The following PCSK1 variants were observed in gnomAD, a reference collection of about 807,000 sequenced individuals.
PCSK1 encodes the protein neuroendocrine convertase 1.
PCSK1 carries 56 observed loss-of-function variants against 90.6 expected under a neutral mutation model. The ratio of observed to expected loss-of-function variants is 0.62; its 90% CI spans 0.50 to 0.77. PCSK1 has a LOEUF of 0.77. PCSK1 is among the 30% of genes least tolerant of loss of function. PCSK1 has a pLI of 0.00. For synonymous variants in PCSK1, 348 were observed against 342.4 expected, an observed-to-expected ratio of 1.02 and a Z score of -0.18; for missense variants, 801 against 932.6, an observed-to-expected ratio of 0.86 and a Z score of 1.84.
intron 10 of PCSK1, 137 bp downstream of exon 10, chr5:96,399,815 AC>A: frequency 2.9e-6 from 2 of 699,602 alleles, no homozygotes; most frequent in South Asian, 3.3e-5. Context: ...CCCCATGGAT[AC>A]CCACAGAGAA....
Position 96,399,948 on chromosome 5 carries a change from C to G in PCSK1, c.1430+5G>C, listed in dbSNP as rs376283122. On this transcript the variant is annotated splice_donor_5th_base_variant and intron_variant, in intron 10 of 13. Coordinates refer to ENST00000311106, the MANE Select transcript of PCSK1 (RefSeq NM_000439.5). ...CATGTGTTTAAAATTCCAGGAGATA[C>G]TTACCTGGGCTCAAAGTCATTGTCC... is the stretch of plus-strand genomic sequence containing the variant. 1.4e-5 allele frequency: 22 copies of G among 1,602,256 alleles called. No individual in the cohort carries two copies. The African/African-American group carries it at 2.8e-4, about 20-fold the overall frequency.
chr5:96,414,308 G>C (rs925557487), intron 6 of PCSK1, among the ~76,000 whole-genome samples: 5 of 152,122 alleles, frequency 3.3e-5, no homozygotes, highest in African/African-American at 9.7e-5. Context: ...GGCTTTACAT[G>C]TATAAACTCA....
At chr5:96,411,372 A>G (rs2112420590) in intron 7 of PCSK1, among the ~76,000 whole-genome samples, 1 of 152,364 alleles carries the variant, frequency 6.6e-6, no homozygotes, top group South Asian at 2.1e-4. Context: ...TGATAGAATG[A>G]CAAAATTAGG....
chr5:96,391,769 C>T lies in PCSK1; in HGVS notation c.*1232G>A, dbSNP rs373852338. 6.6e-6 allele frequency: 1 copy of T among 152,132 alleles called. No homozygotes were observed. Among genetic ancestry groups the T allele is most frequent in the Non-Finnish European group, 1.5e-5 (1 of 68,038 alleles). 9.4% of individuals were successfully genotyped at this position (152,132 alleles called of 1,614,324 possible). On this transcript the variant is annotated 3_prime_UTR_variant, in exon 14 of 14. Transcript: ENST00000311106. ...CTGTTGCCATGAGCAAAGATGGGTC[C>T]GAGAATGAGGTTTTATGTGAAACAT...
Position 96,408,383 on chromosome 5 carries a change from C to G in PCSK1, c.1096-60G>C, listed in dbSNP as rs1422949734. 5.7e-6 allele frequency: 7 copies of G among 1,218,048 alleles called. No individual in the cohort carries two copies. In the Admixed American group the frequency reaches 1.2e-4, roughly 22 times the overall value. The allele number at this position is 1,218,048 out of a possible 1,614,324, so 75.5% of individuals were successfully genotyped here. A position where few individuals can be genotyped will look rare whatever the true frequency, so the allele number is the denominator to read the frequency against. On this transcript the variant is annotated intron_variant, in intron 8 of 13. Transcript: ENST00000311106. ...GAACACGTGAGGAGTGTGGGCCTGT[C>G]TTGGGGGTTAACTGTACCAAAGGCT...
chr5:96,406,581 C>T (rs1191934967), intron 9 of PCSK1, among the ~76,000 whole-genome samples: 1 of 152,170 alleles, frequency 6.6e-6, no homozygotes, highest in East Asian at 1.9e-4. Flanking sequence ...AGGAATATAC[C>T]CCATCTCCAT....
intron 1 of PCSK1, 111 bp from the exon 2 acceptor site, chr5:96,429,428 T>C: frequency 3.0e-6 from 2 of 658,954 alleles, no homozygotes; most frequent in Non-Finnish European, 5.4e-6. Context: ...AGCCCATTCC[T>C]GGTATCTGAA....
chr5:96,425,760 A>G, intron 3 of PCSK1, 60 bp downstream of exon 3: 1 of 910,226 alleles, frequency 1.1e-6, no homozygotes, highest in Non-Finnish European at 1.8e-6. Context: ...TTGCAAATGT[A>G]ACAACATAAA....
rs976899104 is a variant in PCSK1 at position 96,432,078 on chromosome 5, C to A, written c.180+785G>T. The A allele has an allele frequency of 6.5e-6, 10 of 1,528,596 alleles. No individual in the cohort carries two copies. The African/African-American group carries it at 1.4e-4, about 21-fold the overall frequency. The allele number at this position is 1,528,596 out of a possible 1,614,324, so 94.7% of individuals were successfully genotyped here. Reference sequence around the variant, plus strand: ...GCTGAAATTCCCGGGAAAACGATTACGTACTTGGCTGAAGAACAAGAAAGA... The same window carrying A: ...GCTGAAATTCCCGGGAAAACGATTAAGTACTTGGCTGAAGAACAAGAAAGA... On this transcript the variant is annotated intron_variant, in intron 1 of 13. Coordinates refer to ENST00000311106, the MANE Select transcript of PCSK1 (RefSeq NM_000439.5).
chr5:96,425,008 A>AAAAGAAAGAAAAG (rs1761243697), intron 3 of PCSK1, among the ~76,000 whole-genome samples: 9 of 117,478 alleles, frequency 7.7e-5, no homozygotes, highest in Non-Finnish European at 5.2e-5. Flanking sequence ...AGAAAGAAAG[A>AAAAGAAAGAAAAG]AAAGAAAGAA....
Position 96,410,773 on chromosome 5 carries a change from C to G in PCSK1, c.1095+1G>C, listed in dbSNP as rs1301652826. The stretch of plus-strand genomic sequence containing the variant: ...GAGAGAATTAGACAAAAGCAACATA[C>G]GATTCTCTGGTCGGTGTAATCTCCG... On this transcript the variant is annotated splice_donor_variant, in intron 8 of 13. Transcript: ENST00000311106. LOFTEE classifies it high-confidence loss of function. The G allele has an allele frequency of 6.2e-7, 1 of 1,611,070 alleles. No individual in the cohort carries two copies. The highest frequency in any genetic ancestry group is 1.1e-5 in the South Asian group (1 of 91,030).
intron 9 of PCSK1, among the ~76,000 whole-genome samples, chr5:96,405,084 A>G (rs745566399): frequency 2.0e-5 from 3 of 152,212 alleles, no homozygotes; most frequent in East Asian, 1.9e-4. Flanking sequence ...CAGCTTTGGT[A>G]TAGACAATTG....
intron 11 of PCSK1, among the ~76,000 whole-genome samples, chr5:96,398,221 T>C (rs945673863): frequency 6.6e-6 from 1 of 152,182 alleles, no homozygotes; most frequent in Non-Finnish European, 1.5e-5. Context: ...AGGAAGATCA[T>C]AGAGATAGCT....
chr5:96,398,733 G>GA (rs1760251185), intron 11 of PCSK1, 146 bp downstream of exon 11: 1 of 734,386 alleles, frequency 1.4e-6, no homozygotes. Flanking sequence ...CTAACACCAA[G>GA]AAAAAGGAAA....
chr5:96,392,621 C>T lies in PCSK1; in HGVS notation c.*380G>A. On this transcript the variant is annotated 3_prime_UTR_variant, in exon 14 of 14. Transcript: ENST00000311106. Reference sequence around the variant, plus strand: ...ACAGAAACAGTTTCTGACTCCTTCTCATTCTTTGCAGATTATGTTTTCAAA... The same window carrying T: ...ACAGAAACAGTTTCTGACTCCTTCTTATTCTTTGCAGATTATGTTTTCAAA... 4.6e-6 allele frequency: 1 copy of T among 218,998 alleles called. No individual in the cohort carries two copies. Among genetic ancestry groups the T allele is most frequent in the Non-Finnish European group, 9.1e-6 (1 of 109,998 alleles). The allele number at this position is 218,998 out of a possible 1,614,324, so 13.6% of individuals were successfully genotyped here.
rs140076467 is a variant in PCSK1 at position 96,416,919 on chromosome 5, C to T, written c.621-798G>A. Among the ~76,000 whole-genome samples the T allele has an allele frequency of 7.2e-3, 1,095 of 152,302 alleles. 25 individuals carry two copies. The highest frequency in any genetic ancestry group is 0.025 in the African/African-American group (1,048 of 41,554). ...ATTCTGAGGATGATAATTGTCTTTTCCCACCACCATCCTGACTCAGGAGGG... is the reference window on the plus strand; with the variant it reads ...ATTCTGAGGATGATAATTGTCTTTTTCCACCACCATCCTGACTCAGGAGGG... On this transcript the variant is annotated intron_variant, in intron 5 of 13. Coordinates refer to ENST00000311106, the MANE Select transcript of PCSK1 (RefSeq NM_000439.5).
rs759857993 is a variant in PCSK1 at position 96,423,443 on chromosome 5, G to A, written c.413C>T (p.Thr138Met). ...AAGGTCCAGCTTGGGCAGGGCTGCC[G>A]TCATCCTGGTATCTTGCTGGTAAAG... The part of the protein sequence containing the change: ...QQWYLQDTRM[T>M]AALPKLDLHV... Residue 138 changes from threonine to methionine, a missense_variant, in exon 4 of 14, where the codon ACG becomes ATG. Physicochemically the swap from Thr to Met is moderately conservative, Grantham distance 81. Transcript: ENST00000311106. The A allele has an allele frequency of 1.4e-5, 22 of 1,613,820 alleles. No individual in the cohort carries two copies. The highest frequency in any genetic ancestry group is 6.7e-5 in the Admixed American group (4 of 59,990).
chr5:96,398,956 A>C lies in PCSK1; in HGVS notation c.1511T>G (p.Leu504Arg). 1 of 1,612,234 alleles carries C rather than the reference A, an allele frequency of 6.2e-7. No homozygotes were observed. Among genetic ancestry groups the C allele is most frequent in the Non-Finnish European group, 8.5e-7 (1 of 1,178,312 alleles). ...TGTTGCTTCAAATTGTACATGCTCCAGGGACTTGATAGCATTTTCTTGTCC... is the reference window on the plus strand; with the variant it reads ...TGTTGCTTCAAATTGTACATGCTCCCGGGACTTGATAGCATTTTCTTGTCC... ...CEGQENAIKS[L>R]EHVQFEATIE... Residue 504 changes from leucine (L) to arginine (R), a missense_variant, in exon 11 of 14, where the codon CTG becomes CGG. Transcript: ENST00000311106.
rs1761371780 is a variant in PCSK1 at position 96,428,044 on chromosome 5, A to T, written c.285+1169T>A. Among the ~76,000 whole-genome samples the T allele has an allele frequency of 2.6e-5, 4 of 152,292 alleles. No individual in the cohort carries two copies. In the South Asian group the frequency reaches 8.3e-4, roughly 32 times the overall value. ...CTATACGGTCACTGTCCGTGGTCCT[A>T]ATACAGCATTGTCAGGATGTTGTTG... On this transcript the variant is annotated intron_variant, in intron 2 of 13. Transcript: ENST00000311106.
Sources: allele counts gnomAD v4.1 joint callset (sites outside exome capture counted in the v4.1 genomes callset), GRCh38; gene constraint gnomAD v4.1.1; transcripts MANE v1.5; gene names NCBI Gene and HGNC (gene_info 2026-07-23, HGNC 2026-07-21).